The following FGF12 variants were observed in gnomAD, a reference collection of about 807,000 sequenced individuals.
FGF12 encodes the protein fibroblast growth factor 12, also known as fibroblast growth factor 12B.
FGF12 carries 14 observed loss-of-function variants against 23.6 expected under a neutral mutation model. The ratio of observed to expected loss-of-function variants is 0.59; its 90% CI spans 0.39 to 0.93. The LOEUF (loss-of-function observed/expected upper bound fraction) is 0.93. Among genes scored for constraint, FGF12 ranks in the 40% least tolerant of loss-of-function variants. The pLI is 0.00. For missense variants in FGF12, 175 were observed against 217.8 expected, an observed-to-expected ratio of 0.80 and a Z score of 1.24; for synonymous variants, 62 against 77.3, an observed-to-expected ratio of 0.80 and a Z score of 1.04.
chr3:192,377,964 T>TTTTA lies in FGF12; in HGVS notation c.14-17427_14-17426insTAAA, dbSNP rs1719597443. 3.6e-3 allele frequency among the ~76,000 whole-genome samples: 515 copies of TTTTA among 143,608 alleles called. 28 individuals are homozygous for TTTTA. The highest frequency in any genetic ancestry group is 0.015 in the African/African-American group (491 of 33,482). The allele number at this position is 143,608 out of a possible 152,430, so 94.2% of individuals were successfully genotyped here. A position where few individuals can be genotyped will look rare whatever the true frequency, so the allele number is the denominator to read the frequency against. On this transcript the variant is annotated intron_variant, in intron 2 of 5. Transcript: ENST00000445105. ...AATAGAACCCTAGTGCAGGAAAAAA[T>TTTTA]GTCTTTTCTGGTATTACGCATTGAT...
intron 2 of FGF12, among the ~76,000 whole-genome samples, chr3:192,644,423 C>T (rs1047963698): frequency 4.6e-5 from 7 of 152,030 alleles, no homozygotes; most frequent in African/African-American, 1.7e-4. Context: ...TTTTCTGGAT[C>T]ACCTCATAAG....
In FGF12 at chr3:192,409,874, G is replaced by T. The variant is rs946517995; in HGVS notation, c.14-49336C>A. Among the ~76,000 whole-genome samples the T allele has an allele frequency of 1.3e-5, 2 of 151,852 alleles. No homozygotes were observed. The highest frequency in any genetic ancestry group is 2.9e-5 in the Non-Finnish European group (2 of 67,906). On this transcript the variant is annotated intron_variant, in intron 2 of 5. Transcript: ENST00000445105. The surrounding 1 kb of genome is among the most constrained non-coding windows in gnomAD (Gnocchi z 4.8). ...CGCCCAACTTGCTGCGCGGGTGGCC[G>T]CTCAGAGCCGCGGGCTTGCGGGGCG...
At chr3:192,416,991 C>G (rs1263226413) in intron 2 of FGF12, among the ~76,000 whole-genome samples, 1 of 152,028 alleles carries the variant, frequency 6.6e-6, no homozygotes, top group Admixed American at 6.6e-5. Flanking sequence ...ATGTTTTGGA[C>G]AGGATAATCA....
chr3:192,398,926 T>C (rs1720641687), intron 2 of FGF12, among the ~76,000 whole-genome samples: 1 of 152,114 alleles, frequency 6.6e-6, no homozygotes, highest in South Asian at 2.1e-4. Flanking sequence ...GGATGTCATT[T>C]CCTCATTGAT....
At chr3:192,688,361 C>T (rs996887399) in intron 2 of FGF12, among the ~76,000 whole-genome samples, 1 of 152,212 alleles carries the variant, frequency 6.6e-6, no homozygotes, top group African/African-American at 2.4e-5. Flanking sequence ...AACCACCCCC[C>T]AACCTCTGCC....
intron 2 of FGF12, among the ~76,000 whole-genome samples, chr3:192,608,162 C>T (rs867442456): frequency 2.0e-5 from 3 of 152,082 alleles, no homozygotes; most frequent in Middle Eastern, 3.4e-3. Flanking sequence ...GTGGTGGGGG[C>T]AGTGGGAAGT....
intron 2 of FGF12, among the ~76,000 whole-genome samples, chr3:192,470,684 C>T (rs769909973): frequency 5.9e-5 from 9 of 152,206 alleles, no homozygotes; most frequent in Non-Finnish European, 1.2e-4. Flanking sequence ...CCCCCACACC[C>T]GGCCTAGTAA....
chr3:192,657,472 A>C (rs1237723966), intron 2 of FGF12, among the ~76,000 whole-genome samples: 1 of 151,916 alleles, frequency 6.6e-6, no homozygotes, highest in African/African-American at 2.4e-5. Context: ...TCCTAAAAGA[A>C]CCTCCCATAG....
rs565110610 is a variant in FGF12, at chr3:192,282,514, C to A, written c.228+52847G>T. 2.0e-5 allele frequency among the ~76,000 whole-genome samples: 3 copies of A among 152,190 alleles called. No homozygotes were observed. The South Asian group carries it at 6.2e-4, about 32-fold the overall frequency. On this transcript the variant is annotated intron_variant, in intron 4 of 5. Coordinates refer to ENST00000445105, the MANE Select transcript of FGF12 (RefSeq NM_004113.6). ...TTTCTTTAAGGAGTGGCTAAGTGTACTATGTACCAAAATCAAAAAGTAAGT... is the reference window on the plus strand; with the variant it reads ...TTTCTTTAAGGAGTGGCTAAGTGTAATATGTACCAAAATCAAAAAGTAAGT...
At chr3:192,560,632 A>C (rs1297699021) in intron 2 of FGF12, among the ~76,000 whole-genome samples, 1 of 152,148 alleles carries the variant, frequency 6.6e-6, no homozygotes, top group Non-Finnish European at 1.5e-5. Context: ...GGAAAAATGA[A>C]GAAAATAAAT....
At chr3:192,426,981 A>G (rs930907106) in intron 2 of FGF12, among the ~76,000 whole-genome samples, 1 of 152,250 alleles carries the variant, frequency 6.6e-6, no homozygotes, top group Non-Finnish European at 1.5e-5. Context: ...ATACAAAAAT[A>G]CATTATAGTA....
intron 2 of FGF12, among the ~76,000 whole-genome samples, chr3:192,543,360 C>T (rs968410675): frequency 3.9e-5 from 6 of 152,078 alleles, no homozygotes; most frequent in African/African-American, 7.2e-5. Flanking sequence ...CTTCAGTCAG[C>T]ATGTTGGTGA....
chr3:192,519,409 T>G (rs1724758473), intron 2 of FGF12, among the ~76,000 whole-genome samples: 1 of 152,204 alleles, frequency 6.6e-6, no homozygotes, highest in Non-Finnish European at 1.5e-5. Context: ...AAGAATGCCA[T>G]AGAAGTGATG....
chr3:192,538,999 C>A (rs1725300411), intron 2 of FGF12, among the ~76,000 whole-genome samples: 1 of 152,126 alleles, frequency 6.6e-6, no homozygotes, highest in Non-Finnish European at 1.5e-5. Context: ...TTGTATCCTG[C>A]AACTTTATTG....
chr3:192,497,888 A>G (rs1290653578), intron 2 of FGF12, among the ~76,000 whole-genome samples: 1 of 152,242 alleles, frequency 6.6e-6, no homozygotes, highest in Non-Finnish European at 1.5e-5. Context: ...TTACTTCTGC[A>G]CTAGAAAATA....
intron 2 of FGF12, among the ~76,000 whole-genome samples, chr3:192,364,015 A>G (rs1472880907): frequency 6.6e-6 from 1 of 152,226 alleles, no homozygotes; most frequent in South Asian, 2.1e-4. Flanking sequence ...TGATGTCACC[A>G]AGGAGCAAGG....
chr3:192,287,226 C>T (rs1209774192), intron 4 of FGF12, among the ~76,000 whole-genome samples: 4 of 151,942 alleles, frequency 2.6e-5, no homozygotes, highest in Non-Finnish European at 5.9e-5. Flanking sequence ...TTACTAATTC[C>T]CTTAGTGTTA....
chr3:192,182,841 A>G (rs181759690), intron 4 of FGF12, among the ~76,000 whole-genome samples: 1 of 152,344 alleles, frequency 6.6e-6, no homozygotes, highest in African/African-American at 2.4e-5. Context: ...GAAGATGATG[A>G]CATTTCACCT....
chr3:192,536,271 C>A (rs1303588738), intron 2 of FGF12, among the ~76,000 whole-genome samples: 1 of 152,046 alleles, frequency 6.6e-6, no homozygotes, highest in African/African-American at 2.4e-5. Flanking sequence ...GTCCATAAAG[C>A]CTAAAATATT....
Sources: allele counts gnomAD v4.1 joint callset (sites outside exome capture counted in the v4.1 genomes callset), GRCh38; gene constraint gnomAD v4.1.1; non-coding constraint Gnocchi (gnomAD v3.1); transcripts MANE v1.5; gene names NCBI Gene and HGNC (gene_info 2026-07-23, HGNC 2026-07-21).